The following TMEM17 variants were observed in gnomAD, a reference collection of about 807,000 sequenced individuals.
TMEM17 encodes transmembrane protein 17.
In TMEM17, 15 loss-of-function variants were observed where a neutral mutation model predicts 19.1. The observed-to-expected ratio is 0.78, with a 90% CI of 0.52 to 1.21. TMEM17 has a LOEUF of 1.21. Among genes scored for constraint, TMEM17 ranks in the 50% most tolerant of loss-of-function variants. The probability of loss-of-function intolerance (pLI) is 0.00; values close to 1 mark genes in which losing one functional copy is unlikely to be tolerated. For synonymous variants in TMEM17, 103 were observed against 86.9 expected, an observed-to-expected ratio of 1.19 and a Z score of -1.03; for missense variants, 245 against 242.3, an observed-to-expected ratio of 1.01 and a Z score of -0.07.
the TMEM17 span, among the ~76,000 whole-genome samples, chr2:62,475,668 G>T: frequency 6.6e-6 from 1 of 152,240 alleles, no homozygotes; most frequent in Non-Finnish European, 1.5e-5. Flanking sequence ...GAAAAGAAAA[G>T]AATGGGCTCT....
the TMEM17 span, among the ~76,000 whole-genome samples, chr2:62,468,338 A>G: frequency 6.6e-6 from 1 of 152,186 alleles, no homozygotes; most frequent in Non-Finnish European, 1.5e-5. Context: ...GGACTAGCCT[A>G]CACCCTGTCA....
At chr2:62,496,722 A>G (rs1679786939), downstream of TMEM17, among the ~76,000 whole-genome samples, 1 of 152,260 alleles carries the variant, frequency 6.6e-6, no homozygotes, top group South Asian at 2.1e-4. Flanking sequence ...TAAAAACTAT[A>G]ATCTTAATTC....
chr2:62,478,452 G>A, the TMEM17 span, among the ~76,000 whole-genome samples: 3 of 152,228 alleles, frequency 2.0e-5, no homozygotes, highest in Admixed American at 6.5e-5. Flanking sequence ...CCCAAGCTCT[G>A]CATGCAGAAA....
At chr2:62,490,163 G>A in the TMEM17 span, among the ~76,000 whole-genome samples, 3 of 152,096 alleles carry the variant, frequency 2.0e-5, no homozygotes, top group South Asian at 4.2e-4. Context: ...GTGACAGAGC[G>A]AGATTCTGTC....
At chr2:62,474,040 G>C in the TMEM17 span, among the ~76,000 whole-genome samples, 1 of 152,186 alleles carries the variant, frequency 6.6e-6, no homozygotes, top group Admixed American at 6.5e-5. Context: ...GGAGGGGCCA[G>C]AGTGGTGGGG....
intron 1 of TMEM17, 59 bp from the exon 2 acceptor site, chr2:62,502,853 T>C: frequency 1.0e-6 from 1 of 1,004,690 alleles, no homozygotes; most frequent in East Asian, 2.5e-5. Flanking sequence ...CCTATATATA[T>C]ATATCCTATT....
At chr2:62,456,051 A>G in the TMEM17 span, among the ~76,000 whole-genome samples, 2 of 152,198 alleles carry the variant, frequency 1.3e-5, no homozygotes, top group Non-Finnish European at 2.9e-5. Flanking sequence ...CCAGAGACAG[A>G]GAGATGGTCA....
chr2:62,477,268 G>C, the TMEM17 span, among the ~76,000 whole-genome samples: 6 of 152,170 alleles, frequency 3.9e-5, no homozygotes, highest in African/African-American at 1.4e-4. Flanking sequence ...GTAGTGGCAG[G>C]CACCTGTAAT....
At chr2:62,480,477 A>G in the TMEM17 span, among the ~76,000 whole-genome samples, 4 of 152,150 alleles carry the variant, frequency 2.6e-5, no homozygotes, top group African/African-American at 9.7e-5. Context: ...GTTTTACTTA[A>G]GAAATCTTTG....
At chr2:62,500,032 G>C (rs1328124103), downstream of TMEM17, among the ~76,000 whole-genome samples, 1 of 152,128 alleles carries the variant, frequency 6.6e-6, no homozygotes, top group Non-Finnish European at 1.5e-5. Flanking sequence ...GAATTTAATG[G>C]GTATGAAGCA....
chr2:62,498,978 G>T (rs574093933), downstream of TMEM17, among the ~76,000 whole-genome samples: 1 of 152,132 alleles, frequency 6.6e-6, no homozygotes, highest in African/African-American at 2.4e-5. Flanking sequence ...AGGGAACCAG[G>T]TATATTCCAA....
downstream of TMEM17, among the ~76,000 whole-genome samples, chr2:62,497,739 C>A (rs1282003182): frequency 6.6e-6 from 1 of 152,180 alleles, no homozygotes; most frequent in Non-Finnish European, 1.5e-5. Flanking sequence ...ATACTGCCTA[C>A]CCCCCTCAGA....
At chr2:62,489,233 C>T in the TMEM17 span, among the ~76,000 whole-genome samples, 1 of 152,312 alleles carries the variant, frequency 6.6e-6, no homozygotes, top group African/African-American at 2.4e-5. Flanking sequence ...GGAATGTTTT[C>T]GTTGGAGAGT....
chr2:62,466,842 ACTGCTCAGCTG>A, the TMEM17 span, among the ~76,000 whole-genome samples: 1 of 152,172 alleles, frequency 6.6e-6, no homozygotes, highest in African/African-American at 2.4e-5. Context: ...GGGTGGCTCA[ACTGCTCAGCTG>A]CATGCGGGGC....
the TMEM17 span, among the ~76,000 whole-genome samples, chr2:62,479,678 G>C: frequency 6.6e-6 from 1 of 152,082 alleles, no homozygotes; most frequent in African/African-American, 2.4e-5. Context: ...TTGAGCCCAG[G>C]AGTTCGAGAC....
chr2:62,453,825 G>C, the TMEM17 span, among the ~76,000 whole-genome samples: 1 of 152,208 alleles, frequency 6.6e-6, no homozygotes, highest in Non-Finnish European at 1.5e-5. Flanking sequence ...GCTTTTATTA[G>C]ACTGAGCTAA....
At chr2:62,504,279 C>A (rs1170746128) in intron 1 of TMEM17, among the ~76,000 whole-genome samples, 1 of 152,204 alleles carries the variant, frequency 6.6e-6, no homozygotes, top group African/African-American at 2.4e-5. Context: ...TCTGTTAAAT[C>A]TGAAGACAAC....
the TMEM17 span, among the ~76,000 whole-genome samples, chr2:62,492,953 A>C: frequency 4.6e-5 from 7 of 152,230 alleles, no homozygotes; most frequent in Non-Finnish European, 8.8e-5. Flanking sequence ...AGATGAAGTC[A>C]GGCAGGTGGA....
At chr2:62,454,765 A>G in the TMEM17 span, among the ~76,000 whole-genome samples, 139,546 of 151,340 alleles carry the variant, frequency 0.92, 64,352 homozygotes, top group East Asian at 0.98. Context: ...GTGCAGTGGC[A>G]CGATCTCAGC....
Sources: gnomAD v4.1 joint callset for allele counts (sites outside exome capture counted in the v4.1 genomes callset) on GRCh38, gnomAD v4.1.1 for gene constraint, MANE v1.5 for transcripts, NCBI Gene and HGNC (gene_info 2026-07-23, HGNC 2026-07-21) for gene names.